TMEM74: variants seen among roughly 807,000 people sequenced by gnomAD.
TMEM74 encodes the protein transmembrane protein 74.
A neutral mutation model predicts 18.1 loss-of-function variants in TMEM74; 13 were observed. That is an observed-to-expected ratio of 0.72 (90% CI 0.47 to 1.14). TMEM74 has a LOEUF of 1.14. Ranked by LOEUF, TMEM74 falls within the 50% of genes most tolerant of loss-of-function variation. TMEM74 has a pLI of 0.00. For missense variants in TMEM74, 372 were observed against 375.9 expected (o/e 0.99, Z 0.09); for synonymous variants, 159 against 146.6 (o/e 1.08, Z -0.61).
intron 1 of TMEM74, among the ~76,000 whole-genome samples, chr8:108,734,342 G>A (rs1813724792): frequency 6.6e-6 from 1 of 152,070 alleles, no homozygotes; most frequent in African/African-American, 2.4e-5. Context: ...TCACCTTGCA[G>A]AAGACCTATC....
chr8:108,622,269 A>T (rs989986186), intron 2 of TMEM74, among the ~76,000 whole-genome samples: 1 of 152,110 alleles, frequency 6.6e-6, no homozygotes, highest in South Asian at 2.1e-4. Context: ...CTGATGGAAC[A>T]TGGGTGAAAC....
intron 2 of TMEM74, among the ~76,000 whole-genome samples, chr8:108,643,232 A>G (rs1231484491): frequency 6.6e-6 from 1 of 152,196 alleles, no homozygotes; most frequent in Non-Finnish European, 1.5e-5. Flanking sequence ...TGCTGTACCC[A>G]ACTGAAGAAC....
At chr8:108,727,779 CAA>C (rs1400678372) in intron 1 of TMEM74, among the ~76,000 whole-genome samples, 1 of 151,944 alleles carries the variant, frequency 6.6e-6, no homozygotes, top group Non-Finnish European at 1.5e-5. Flanking sequence ...AGAAATGGAC[CAA>C]AGAGTAAGCC....
intron 1 of TMEM74, among the ~76,000 whole-genome samples, chr8:108,715,622 T>C (rs1360389976): frequency 6.6e-6 from 1 of 152,070 alleles, no homozygotes; most frequent in Non-Finnish European, 1.5e-5. Flanking sequence ...CTTTTATATG[T>C]AAAGAAAATC....
downstream of TMEM74, among the ~76,000 whole-genome samples, chr8:108,775,741 C>T (rs1814226613): frequency 6.6e-6 from 1 of 152,200 alleles, no homozygotes; most frequent in South Asian, 2.1e-4. Flanking sequence ...TCTGTCTCTC[C>T]TAGCCCCCTT....
intron 2 of TMEM74, among the ~76,000 whole-genome samples, chr8:108,634,119 G>A (rs563691182): frequency 5.9e-5 from 9 of 151,930 alleles, no homozygotes; most frequent in African/African-American, 2.2e-4. Flanking sequence ...GAAGAGCATG[G>A]GCACAGAACA....
At chr8:108,706,829 A>G (rs1813418477) in intron 1 of TMEM74, among the ~76,000 whole-genome samples, 1 of 150,220 alleles carries the variant, frequency 6.7e-6, no homozygotes, top group African/African-American at 2.5e-5. Context: ...ACATGCATGT[A>G]AAATAATATT....
chr8:108,643,266 G>A (rs1022665840), intron 2 of TMEM74, among the ~76,000 whole-genome samples: 2 of 152,188 alleles, frequency 1.3e-5, no homozygotes, highest in Admixed American at 1.3e-4. Flanking sequence ...CATCTGGGAT[G>A]TATGCCAAGA....
rs1355438212 is a variant in TMEM74 at position 108,753,403 on chromosome 8, G to A, written n.119+34073C>T. Among the ~76,000 whole-genome samples, 3 of 151,986 alleles carry A rather than the reference G, an allele frequency of 2.0e-5. No homozygotes were observed. In the East Asian group the frequency reaches 5.8e-4, roughly 29 times the overall value. ...ATAAACAGCCTCATGATATGTCGTG[G>A]TGTTGAGCATTTGCCATAAAAATAT... is the stretch of plus-strand genomic sequence containing the variant. On this transcript the variant is annotated intron_variant and non_coding_transcript_variant, in intron 1 of 3. Transcript: ENST00000518838.
chr8:108,657,853 A>AT lies in TMEM74; in HGVS notation n.120-2417_120-2416insA, dbSNP rs1369270994. Among the ~76,000 whole-genome samples the AT allele has an allele frequency of 2.5e-3, 130 of 52,912 alleles. 2 individuals are homozygous for AT. Among genetic ancestry groups the AT allele is most frequent in the East Asian group, 0.013 (16 of 1,222 alleles). 34.7% of individuals were successfully genotyped at this position (52,912 alleles called of 152,430 possible). A position where few individuals can be genotyped will look rare whatever the true frequency, so the allele number is the denominator to read the frequency against. ...GTGAGACACCGTCTCAAAAAAAAAA[A>AT]AAAAAAATATATATATATATATATA... On this transcript the variant is annotated intron_variant and non_coding_transcript_variant, in intron 1 of 3. Coordinates refer to the TMEM74 transcript ENST00000518838.
At chr8:108,760,509 G>A (rs1586288161) in intron 1 of TMEM74, among the ~76,000 whole-genome samples, 1 of 152,196 alleles carries the variant, frequency 6.6e-6, no homozygotes, top group Middle Eastern at 3.4e-3. Flanking sequence ...ATTGGCAGGA[G>A]TGTGAGAGGC....
At chr8:108,754,655 G>GGTAGGTAGGTAGC in intron 1 of TMEM74, among the ~76,000 whole-genome samples, 1 of 143,660 alleles carries the variant, frequency 7.0e-6, no homozygotes, top group Admixed American at 6.8e-5. Flanking sequence ...AGGTAGGTAG[G>GGTAGGTAGGTAGC]TAGGTAGCTA....
intron 2 of TMEM74, among the ~76,000 whole-genome samples, chr8:108,640,235 C>T (rs566120107): frequency 2.4e-4 from 35 of 147,602 alleles, no homozygotes; most frequent in African/African-American, 8.3e-4. Flanking sequence ...AGGGTTCAAG[C>T]GATTCTCCTG....
chr8:108,732,664 T>C (rs1029398253), intron 1 of TMEM74, among the ~76,000 whole-genome samples: 2 of 151,664 alleles, frequency 1.3e-5, no homozygotes, highest in Non-Finnish European at 1.5e-5. Flanking sequence ...CCAGAGGAAC[T>C]GGATATCCAA....
At chr8:108,733,351 T>C (rs1192471069) in intron 1 of TMEM74, among the ~76,000 whole-genome samples, 2 of 152,126 alleles carry the variant, frequency 1.3e-5, no homozygotes, top group African/African-American at 2.4e-5. Flanking sequence ...ATAACATGAA[T>C]AGATTTCAAA....
At chr8:108,666,511 T>C (rs533502143) in intron 1 of TMEM74, among the ~76,000 whole-genome samples, 3 of 152,288 alleles carry the variant, frequency 2.0e-5, no homozygotes, top group African/African-American at 7.2e-5. Flanking sequence ...AAATGCTTTG[T>C]CCCAGCTTAT....
intron 1 of TMEM74, among the ~76,000 whole-genome samples, chr8:108,727,688 T>C (rs1046727525): frequency 5.3e-5 from 8 of 152,084 alleles, no homozygotes; most frequent in Non-Finnish European, 8.8e-5. Flanking sequence ...AGATACAACT[T>C]TGGAAGCAAT....
intron 2 of TMEM74, among the ~76,000 whole-genome samples, chr8:108,650,697 A>G (rs971272976): frequency 7.6e-6 from 1 of 132,028 alleles, no homozygotes; most frequent in Admixed American, 7.6e-5. Flanking sequence ...TCATTGAGGC[A>G]TTCTTTTTAT....
chr8:108,683,704 T>A (rs1813138605), intron 1 of TMEM74, among the ~76,000 whole-genome samples: 1 of 151,972 alleles, frequency 6.6e-6, no homozygotes, highest in Non-Finnish European at 1.5e-5. Flanking sequence ...ATCTCAAACA[T>A]TTATTTCTTT....
Sources: gnomAD v4.1 joint callset for allele counts (sites outside exome capture counted in the v4.1 genomes callset) on GRCh38, gnomAD v4.1.1 for gene constraint, MANE v1.5 for transcripts, NCBI Gene and HGNC (gene_info 2026-07-23, HGNC 2026-07-21) for gene names.